The following ADAMTS20 variants were observed in gnomAD, a reference collection of about 807,000 sequenced individuals.
ADAMTS20 encodes A disintegrin and metalloproteinase with thrombospondin motifs 20.
ADAMTS20 carries 225 observed loss-of-function variants against 260.1 expected under a neutral mutation model. The observed-to-expected ratio is 0.87, with a 90% CI of 0.78 to 0.97. The LOEUF (loss-of-function observed/expected upper bound fraction) is 0.97, where lower values mean the gene tolerates loss of function less well. ADAMTS20 is among the 50% of genes least tolerant of loss of function. The probability of loss-of-function intolerance (pLI) is 0.00; values close to 1 mark genes in which losing one functional copy is unlikely to be tolerated. For missense variants in ADAMTS20, 2,400 were observed against 2,337.7 expected (o/e 1.03, Z -0.55); for synonymous variants, 802 against 769.5 (o/e 1.04, Z -0.70).
chr12:43,496,834 C>G (rs1942684147), intron 4 of ADAMTS20, among the ~76,000 whole-genome samples: 1 of 152,110 alleles, frequency 6.6e-6, no homozygotes, highest in African/African-American at 2.4e-5. Flanking sequence ...AATAGGCTAA[C>G]ACACATACAC....
At chr12:43,390,256 G>A (rs188461902) in intron 29 of ADAMTS20, among the ~76,000 whole-genome samples, 21 of 152,290 alleles carry the variant, frequency 1.4e-4, no homozygotes, top group African/African-American at 4.1e-4. Flanking sequence ...TGTTTAGATA[G>A]CTGTCTAATC....
At chr12:43,472,561 A>C (rs1942282812) in intron 7 of ADAMTS20, among the ~76,000 whole-genome samples, 1 of 134,742 alleles carries the variant, frequency 7.4e-6, no homozygotes, top group African/African-American at 2.9e-5. Context: ...GAAATGAAGG[A>C]AAAAATGTGA....
Position 43,398,855 on chromosome 12 carries a change from A to T in ADAMTS20, c.4452+211T>A, listed in dbSNP as rs1040937363. ...GCAAGAACTGGTCTTAATTTTTTAA[A>T]AAATCAAATGACTAATTTATTATTT... On this transcript the variant is annotated intron_variant, in intron 29 of 38. Coordinates refer to ENST00000389420, the MANE Select transcript of ADAMTS20 (RefSeq NM_025003.5). 7.9e-5 allele frequency among the ~76,000 whole-genome samples: 12 copies of T among 152,278 alleles called. No individual in the cohort carries two copies. The East Asian group carries it at 2.1e-3, about 27-fold the overall frequency.
rs1032567108 is a variant in ADAMTS20 at position 43,549,237 on chromosome 12, G to A, written c.453+1672C>T. On this transcript the variant is annotated intron_variant, in intron 2 of 38. Transcript: ENST00000389420. The stretch of plus-strand genomic sequence containing the variant: ...ATGAGGAAATAATAAATCTTCACAC[G>A]TAACATTATAAAAATATTAATATTA... Among the ~76,000 whole-genome samples the A allele has an allele frequency of 3.1e-4, 47 of 151,354 alleles. 1 individual carries two copies. The highest frequency in any genetic ancestry group is 8.3e-4 in the South Asian group (4 of 4,798).
At chr12:43,416,677 C>T (rs181979456) in intron 28 of ADAMTS20, among the ~76,000 whole-genome samples, 10 of 152,016 alleles carry the variant, frequency 6.6e-5, no homozygotes, top group Admixed American at 1.3e-4. Context: ...CCCGCCACCA[C>T]GCCCGGCTAA....
chr12:43,495,418 T>C (rs1259623220), intron 4 of ADAMTS20, among the ~76,000 whole-genome samples: 3 of 152,164 alleles, frequency 2.0e-5, no homozygotes, highest in Non-Finnish European at 4.4e-5. Context: ...GGTCTGCAAA[T>C]AGTATTTAGA....
intron 2 of ADAMTS20, among the ~76,000 whole-genome samples, chr12:43,532,596 C>T (rs985434733): frequency 7.1e-5 from 9 of 126,184 alleles, no homozygotes; most frequent in African/African-American, 2.7e-4. Flanking sequence ...GGTACATGTG[C>T]ACATTGTGCA....
chr12:43,537,253 C>A (rs1034229143), intron 2 of ADAMTS20, among the ~76,000 whole-genome samples: 2 of 151,574 alleles, frequency 1.3e-5, no homozygotes, highest in Non-Finnish European at 2.9e-5. Flanking sequence ...TGGGGTTTCA[C>A]TATGTTGCCC....
intron 3 of ADAMTS20, among the ~76,000 whole-genome samples, chr12:43,516,054 C>G: frequency 6.6e-6 from 1 of 151,984 alleles, no homozygotes; most frequent in African/African-American, 2.4e-5. Context: ...CGCCCCACCG[C>G]CTTCAGTTTT....
At chr12:43,531,640 C>T (rs2048347) in intron 3 of ADAMTS20, among the ~76,000 whole-genome samples, 1 of 151,746 alleles carries the variant, frequency 6.6e-6, no homozygotes, top group South Asian at 2.1e-4. Flanking sequence ...CAGTTGCAGG[C>T]GGGAAGGAAA....
chr12:43,427,183 A>G, intron 27 of ADAMTS20, 125 bp downstream of exon 27: 1 of 1,220,062 alleles, frequency 8.2e-7, no homozygotes, highest in South Asian at 1.8e-5. Context: ...CAAAAACAAA[A>G]AAAACAAAAA....
chr12:43,432,430 T>A lies in ADAMTS20; in HGVS notation c.2970A>T (p.Glu990Asp). 2 of 1,613,696 alleles carry A rather than the reference T, an allele frequency of 1.2e-6. No homozygotes were observed. The highest frequency in any genetic ancestry group is 1.7e-6 in the Non-Finnish European group (2 of 1,179,832). ...RSCGGGERSRESYCMNNFGHR... is the reference protein window; with the variant it reads ...RSCGGGERSRDSYCMNNFGHR... ...GGCCAAAGTTATTCATACAATAAGA[T>A]TCTCGAGACCTTTCCCCTCCTCCAC... is the stretch of plus-strand genomic sequence containing the variant. The change falls in exon 21 of 39, where the codon GAA becomes GAT. Residue 990 changes from glutamate (E) to aspartate (D), a missense_variant. By Grantham distance (45) the Glu-to-Asp change is conservative. Transcript: ENST00000389420.
At chr12:43,502,433 G>C (rs375184894) in intron 3 of ADAMTS20, 28 bp from the exon 4 acceptor site, 8 of 1,555,040 alleles carry the variant, frequency 5.1e-6, no homozygotes, top group African/African-American at 2.8e-5. Context: ...ATATAATGCA[G>C]AGCCATTAAA....
chr12:43,358,836 C>CAAAA (rs151206551), intron 37 of ADAMTS20, among the ~76,000 whole-genome samples: 1 of 61,182 alleles, frequency 1.6e-5, no homozygotes, highest in South Asian at 6.2e-4. Context: ...AACTCCGTCT[C>CAAAA]AAAAAAAAAA....
At position 43,354,278 on chromosome 12, in the gene ADAMTS20, G is replaced by C; in HGVS notation, c.5664C>G (p.Gly1888=). 1 of 1,590,230 alleles carries C rather than the reference G, an allele frequency of 6.3e-7. No individual in the cohort carries two copies. The highest frequency in any genetic ancestry group is 8.6e-7 in the Non-Finnish European group (1 of 1,166,822). The part of the protein sequence containing the change: ...RRSEDGTRFF[G]KCGGYCGKCL... Reference sequence around the variant, plus strand: ...ACTTTCCACAGTACCCTCCACATTTGCCGAAAAATCTAGTTCCATCCTGAA... The same window carrying C: ...ACTTTCCACAGTACCCTCCACATTTCCCGAAAAATCTAGTTCCATCCTGAA... Residue 1888 remains glycine (G), a synonymous_variant, in exon 39 of 39, where the codon GGC becomes GGG. Transcript: ENST00000389420.
At chr12:43,419,435 A>G (rs1941188848) in intron 28 of ADAMTS20, among the ~76,000 whole-genome samples, 1 of 152,158 alleles carries the variant, frequency 6.6e-6, no homozygotes. Context: ...TCTATAACAA[A>G]AATTTGGGAT....
rs150001826 is a variant in ADAMTS20, at chr12:43,546,859, ATACT to A, written c.453+4046_453+4049del. Among the ~76,000 whole-genome samples, 281 of 152,290 alleles carry A rather than the reference ATACT, an allele frequency of 1.8e-3. 1 individual carries two copies. The highest frequency in any genetic ancestry group is 6.5e-3 in the African/African-American group (271 of 41,562). ...AATGTTTGAATTATGGGATGAATAA[ATACT>A]TACACTTATGGAAAATAAAAATTAT... is the stretch of plus-strand genomic sequence containing the variant. On this transcript the variant is annotated intron_variant, in intron 2 of 38. Coordinates refer to ENST00000389420, the MANE Select transcript of ADAMTS20 (RefSeq NM_025003.5).
At chr12:43,368,483 T>C (rs576227167) in intron 37 of ADAMTS20, among the ~76,000 whole-genome samples, 1 of 152,114 alleles carries the variant, frequency 6.6e-6, no homozygotes, top group South Asian at 2.1e-4. Context: ...CTCTTCCTAA[T>C]ATAAGCGTAA....
chr12:43,542,253 A>C (rs1308629799), intron 2 of ADAMTS20, among the ~76,000 whole-genome samples: 1 of 152,228 alleles, frequency 6.6e-6, no homozygotes, highest in Non-Finnish European at 1.5e-5. Flanking sequence ...AACAATGAGA[A>C]ATTTAAAATA....
Sources: gnomAD v4.1 joint callset for allele counts (sites outside exome capture counted in the v4.1 genomes callset) on GRCh38, gnomAD v4.1.1 for gene constraint, MANE v1.5 for transcripts, NCBI Gene and HGNC (gene_info 2026-07-23, HGNC 2026-07-21) for gene names.